The following BABAM2 variants were observed in gnomAD, a reference collection of about 807,000 sequenced individuals.
The protein encoded by BABAM2 is BRISC and BRCA1 A complex member 2.
BABAM2 carries 31 observed loss-of-function variants against 54.7 expected under a neutral mutation model. That is an observed-to-expected ratio of 0.57 (90% CI 0.43 to 0.77). BABAM2 has a LOEUF of 0.77. Among genes scored for constraint, BABAM2 ranks in the 30% least tolerant of loss-of-function variants. The pLI is 0.00. For synonymous variants in BABAM2, 167 were observed against 162.9 expected, an observed-to-expected ratio of 1.03 and a Z score of -0.19; for missense variants, 364 against 455.8, an observed-to-expected ratio of 0.80 and a Z score of 1.83.
At chr2:28,336,338 C>G (rs1195516137) in intron 11 of BABAM2, among the ~76,000 whole-genome samples, 3 of 152,098 alleles carry the variant, frequency 2.0e-5, no homozygotes, top group Non-Finnish European at 2.9e-5. Context: ...CCAAATTGGT[C>G]AGAGCATTTT....
intron 10 of BABAM2, among the ~76,000 whole-genome samples, chr2:28,252,185 T>TC (rs1222687087): frequency 9.6e-5 from 13 of 135,844 alleles, no homozygotes; most frequent in African/African-American, 3.9e-4. Flanking sequence ...AAACTCCATC[T>TC]CAAAAAAAAA....
chr2:28,329,035 C>T lies in BABAM2; in HGVS notation c.1089-9415C>T, dbSNP rs535299227. Among the ~76,000 whole-genome samples the T allele has an allele frequency of 3.3e-5, 5 of 152,300 alleles. No homozygotes were observed. The South Asian group carries it at 6.2e-4, about 19-fold the overall frequency. ...GGAAAGAACCCTTTAGATGAGACTT[C>T]GTTGAACAAAGTTTCCTACTGGCCT... On this transcript the variant is annotated intron_variant, in intron 11 of 11. Transcript: ENST00000379624. The surrounding 1 kb of genome is among the most constrained non-coding windows in gnomAD (Gnocchi z 4.2).
intron 6 of BABAM2, among the ~76,000 whole-genome samples, chr2:28,057,398 C>T (rs1010563555): frequency 3.9e-5 from 6 of 152,148 alleles, no homozygotes; most frequent in African/African-American, 7.2e-5. Context: ...ATGAGGGAAG[C>T]CTTGCAACCT....
chr2:28,118,162 A>G (rs534358119), intron 6 of BABAM2, among the ~76,000 whole-genome samples: 6 of 152,342 alleles, frequency 3.9e-5, no homozygotes, highest in East Asian at 1.9e-4. Context: ...AAAATTGTAA[A>G]TAGTGCTGCA....
chr2:28,045,629 C>A, intron 5 of BABAM2, 96 bp from the exon 6 acceptor site: 1 of 984,042 alleles, frequency 1.0e-6, no homozygotes, highest in Non-Finnish European at 1.5e-6. Flanking sequence ...AAGATGCCTG[C>A]ATTTTGAACA....
intron 7 of BABAM2, among the ~76,000 whole-genome samples, chr2:28,162,491 T>C (rs1299152809): frequency 6.6e-6 from 1 of 152,190 alleles, no homozygotes; most frequent in Non-Finnish European, 1.5e-5. Context: ...AAAACATGTG[T>C]AATGAGACTA....
intron 6 of BABAM2, among the ~76,000 whole-genome samples, chr2:28,114,749 G>T (rs1394463416): frequency 6.6e-6 from 1 of 152,152 alleles, no homozygotes; most frequent in Admixed American, 6.5e-5. Context: ...CTGCACTCTA[G>T]GGTTTGATCA....
chr2:28,027,756 G>A (rs1675980681), intron 5 of BABAM2, among the ~76,000 whole-genome samples: 1 of 152,136 alleles, frequency 6.6e-6, no homozygotes, highest in Non-Finnish European at 1.5e-5. Context: ...TATGAATAAT[G>A]CTGCTGTAAG....
chr2:27,968,319 C>T (rs563646922), intron 3 of BABAM2, among the ~76,000 whole-genome samples: 18 of 152,314 alleles, frequency 1.2e-4, no homozygotes, highest in South Asian at 8.3e-4. Flanking sequence ...GTGCAAGCCC[C>T]GAGCCTTGGC....
chr2:27,949,004 G>A (rs1487822243), intron 3 of BABAM2, among the ~76,000 whole-genome samples: 1 of 152,092 alleles, frequency 6.6e-6, no homozygotes, highest in East Asian at 1.9e-4. Context: ...TGTCCTGTGG[G>A]GAAGGGAGAC....
chr2:28,117,940 C>T (rs1668744748), intron 6 of BABAM2, among the ~76,000 whole-genome samples: 6 of 152,178 alleles, frequency 3.9e-5, no homozygotes, highest in Admixed American at 3.9e-4. Flanking sequence ...ACATCTTCTA[C>T]CTTTTCTTTA....
At chr2:28,288,515 G>A (rs1054685349) in intron 10 of BABAM2, among the ~76,000 whole-genome samples, 10 of 151,792 alleles carry the variant, frequency 6.6e-5, no homozygotes, top group Admixed American at 1.3e-4. Flanking sequence ...TAGTACAGAC[G>A]GGGTTTTACC....
rs942711441 is a variant in BABAM2, at chr2:27,962,976, T to C, written c.206-25017T>C. On this transcript the variant is annotated intron_variant, in intron 3 of 11. Coordinates refer to ENST00000379624, the MANE Select transcript of BABAM2 (RefSeq NM_199191.3). ...AACAACTTTATTTTCTTATTTGCAT[T>C]GACAGTTTTATGGTACTGAAAGGAG... 1.8e-4 allele frequency among the ~76,000 whole-genome samples: 27 copies of C among 152,282 alleles called. No homozygotes were observed. The South Asian group carries it at 4.6e-3, about 26-fold the overall frequency.
At chr2:28,020,989 A>ACACG (rs1675209530) in intron 4 of BABAM2, among the ~76,000 whole-genome samples, 1 of 151,260 alleles carries the variant, frequency 6.6e-6, no homozygotes, top group Non-Finnish European at 1.5e-5. Flanking sequence ...ACACACACAC[A>ACACG]CAAACTACTT....
intron 7 of BABAM2, among the ~76,000 whole-genome samples, chr2:28,143,144 A>AATAT (rs144484983): frequency 0.01 from 1,565 of 149,972 alleles, 17 homozygotes; most frequent in African/African-American, 0.031. Context: ...TGGATAAAGA[A>AATAT]ATATATATAT....
intron 4 of BABAM2, among the ~76,000 whole-genome samples, chr2:28,003,505 G>A (rs192590778): frequency 2.7e-4 from 41 of 152,206 alleles, no homozygotes; most frequent in Admixed American, 2.6e-3. Context: ...TGGGAGAATC[G>A]TTTGAGCCTG....
chr2:27,941,335 C>T (rs370418729), intron 3 of BABAM2, among the ~76,000 whole-genome samples: 5 of 152,138 alleles, frequency 3.3e-5, no homozygotes, highest in Non-Finnish European at 7.4e-5. Context: ...GAGGTCGAGG[C>T]GGGCAGATCA....
rs532107567 is a variant in BABAM2 at position 28,016,552 on chromosome 2, C to G, written c.301-8674C>G. 6.7e-5 allele frequency: 42 copies of G among 624,256 alleles called. No homozygotes were observed. The African/African-American group carries it at 6.8e-4, about 10-fold the overall frequency. 38.7% of individuals were successfully genotyped at this position (624,256 alleles called of 1,614,324 possible). The stretch of plus-strand genomic sequence containing the variant: ...CGGAGAGATGGCCGAAGCGGGCCCG[C>G]CGCAGGTGCATTTCTTTCTAATTAA... On this transcript the variant is annotated intron_variant, in intron 4 of 11. Coordinates refer to ENST00000379624, the MANE Select transcript of BABAM2 (RefSeq NM_199191.3).
rs1687864148 is a variant in BABAM2, at chr2:28,298,423, C to G, written c.1020C>G (p.Tyr340Ter). 2 of 1,614,212 alleles carry G rather than the reference C, an allele frequency of 1.2e-6. No homozygotes were observed. Among genetic ancestry groups the G allele is most frequent in the Non-Finnish European group, 1.7e-6 (2 of 1,180,026 alleles). The change falls in exon 11 of 12, where the codon TAC becomes TAG. Residue 340 changes from tyrosine (Y) to a stop codon, truncating the protein, a stop_gained. Transcript: ENST00000379624. LOFTEE classifies it high-confidence loss of function. ...ACTTTACCAACAGTGGACAGCTTTACTCCCAGGCCCAAAAAAATTATCCGT... is the reference window on the plus strand; with the variant it reads ...ACTTTACCAACAGTGGACAGCTTTAGTCCCAGGCCCAAAAAAATTATCCGT... Reference protein sequence around the residue: ...VYHFTNSGQLYSQAQKNYPYS... With the variant: ...VYHFTNSGQL
Sources: gnomAD v4.1 joint callset for allele counts (sites outside exome capture counted in the v4.1 genomes callset) on GRCh38, gnomAD v4.1.1 for gene constraint, Gnocchi (gnomAD v3.1) non-coding constraint, MANE v1.5 for transcripts, NCBI Gene and HGNC (gene_info 2026-07-23, HGNC 2026-07-21) for gene names.